TMCO6: variants seen among roughly 807,000 people sequenced by gnomAD.
TMCO6 encodes the protein transmembrane and coiled-coil domains 6.
TMCO6 carries 47 observed loss-of-function variants against 61.8 expected under a neutral mutation model. The observed-to-expected ratio is 0.76, with a 90% confidence interval of 0.60 to 0.97. The LOEUF (loss-of-function observed/expected upper bound fraction) is 0.97. TMCO6 is among the 50% of genes least tolerant of loss of function. The probability of loss-of-function intolerance (pLI) is 0.00; values close to 1 mark genes in which losing one functional copy is unlikely to be tolerated. For missense variants in TMCO6, 557 were observed against 601.6 expected, an observed-to-expected ratio of 0.93 and a Z score of 0.78; for synonymous variants, 261 against 254.2, an observed-to-expected ratio of 1.03 and a Z score of -0.25.
the TMCO6 span, among the ~76,000 whole-genome samples, chr5:140,608,366 C>T: frequency 1.3e-5 from 2 of 152,050 alleles, no homozygotes; most frequent in Middle Eastern, 3.2e-3. Context: ...TTTTTGTTGC[C>T]GAGTTGTAGG....
At chr5:140,600,220 A>T in the TMCO6 span, among the ~76,000 whole-genome samples, 2 of 152,206 alleles carry the variant, frequency 1.3e-5, no homozygotes, top group African/African-American at 4.8e-5. Context: ...AGAAATAAGT[A>T]ATTTCCCTGC....
chr5:140,637,151 T>C (rs186566353), upstream of TMCO6, among the ~76,000 whole-genome samples: 7 of 150,742 alleles, frequency 4.6e-5, no homozygotes, highest in East Asian at 1.2e-3. Context: ...CCCCCAAGAG[T>C]GGGAGTAGGG....
chr5:140,641,180 A>G (rs750568123), intron 2 of TMCO6: 3 of 155,520 alleles, frequency 1.9e-5, no homozygotes, highest in Non-Finnish European at 4.3e-5. Flanking sequence ...CCCAGAGGAA[A>G]TGAGGAGCAG....
At chr5:140,633,707 CA>C in the TMCO6 span, 4 of 152,184 alleles carry the variant, frequency 2.6e-5, no homozygotes, top group African/African-American at 9.7e-5. Context: ...GAATTAGGTT[CA>C]AGAAAAGGAA....
At chr5:140,647,721 T>G, downstream of TMCO6, 1 of 1,321,030 alleles carries the variant, frequency 7.6e-7, no homozygotes, top group Non-Finnish European at 1.1e-6. Flanking sequence ...TATAAAAGTA[T>G]TGTAGGACCG....
chr5:140,642,382 C>T lies in TMCO6; in HGVS notation c.566C>T (p.Pro189Leu). 1 of 1,613,814 alleles carries T rather than the reference C, an allele frequency of 6.2e-7. No homozygotes were observed. Among genetic ancestry groups the T allele is most frequent in the South Asian group, 1.1e-5 (1 of 90,978 alleles). The change falls in exon 5 of 12, where the codon CCA (proline) becomes CTA (leucine). Residue 189 changes from proline to leucine, a missense_variant. By Grantham distance (98) the Pro-to-Leu change is moderately conservative (BLOSUM62 -3). Coordinates refer to ENST00000394671, the MANE Select transcript of TMCO6 (RefSeq NM_018502.5). ...ESEAVRRQLLPQGIVPALAAC... is the reference protein window; with the variant it reads ...ESEAVRRQLLLQGIVPALAAC... ...GAGGCTGTGAGAAGGCAGCTCCTGC[C>T]ACAGGGCATTGTTCCAGCCTTGGCT...
At chr5:140,636,855 A>G (rs1452957843), upstream of TMCO6, among the ~76,000 whole-genome samples, 1 of 152,232 alleles carries the variant, frequency 6.6e-6, no homozygotes, top group Non-Finnish European at 1.5e-5. Flanking sequence ...TGCCTAAGTT[A>G]TATGGCTTTT....
At chr5:140,640,549 G>A (rs968640077) in intron 2 of TMCO6, among the ~76,000 whole-genome samples, 3 of 152,058 alleles carry the variant, frequency 2.0e-5, no homozygotes, top group South Asian at 2.1e-4. Flanking sequence ...GGGATTACAG[G>A]CGCGCGCCAC....
rs1224391539 is a variant in TMCO6, at chr5:140,641,664, G to GGTGCAGCA, written c.201_208dup (p.Phe70CysfsTer51). The GGTGCAGCA allele has an allele frequency of 7.4e-6, 12 of 1,613,144 alleles. No homozygotes were observed. Among genetic ancestry groups the GGTGCAGCA allele is most frequent in the Non-Finnish European group, 9.3e-6 (11 of 1,179,424 alleles). Reference sequence around the variant, plus strand: ...TCTCCTTTCCCTGCCCTGAACTCCAGGTGCAGCAGTTCCTGCGGCAAGCCC... The same window carrying GGTGCAGCA: ...TCTCCTTTCCCTGCCCTGAACTCCAGGTGCAGCAGTGCAGCAGTTCCTGCGGCAAGCCC... On this transcript the variant is annotated frameshift_variant and splice_region_variant. Coordinates refer to ENST00000394671, the MANE Select transcript of TMCO6 (RefSeq NM_018502.5). LOFTEE classifies it high-confidence loss of function.
At chr5:140,607,554 A>G in the TMCO6 span, among the ~76,000 whole-genome samples, 1 of 152,190 alleles carries the variant, frequency 6.6e-6, no homozygotes, top group South Asian at 2.1e-4. Flanking sequence ...TTGGGTATAT[A>G]ATGAGGAGTA....
chr5:140,601,813 A>G, the TMCO6 span, among the ~76,000 whole-genome samples: 1 of 152,362 alleles, frequency 6.6e-6, no homozygotes, highest in South Asian at 2.1e-4. Context: ...AGGAGATTCC[A>G]GTGGAGTCTA....
At chr5:140,597,220 G>A in the TMCO6 span, among the ~76,000 whole-genome samples, 1 of 152,158 alleles carries the variant, frequency 6.6e-6, no homozygotes, top group Admixed American at 6.5e-5. Context: ...AGTCAGTGTG[G>A]GGTAGGGATA....
chr5:140,623,788 C>A, the TMCO6 span, among the ~76,000 whole-genome samples: 5 of 151,994 alleles, frequency 3.3e-5, no homozygotes, highest in African/African-American at 1.2e-4. Context: ...AGTATGTTGC[C>A]CAGGCTAGTC....
the TMCO6 span, chr5:140,632,997 G>A: frequency 1.4e-5 from 23 of 1,614,002 alleles, no homozygotes; most frequent in African/African-American, 1.1e-4. The surrounding 1 kb of genome is among the most constrained non-coding windows in gnomAD (Gnocchi z 6.2). Flanking sequence ...AGAGAGCAGA[G>A]GTCTAGGAGG....
In TMCO6 at chr5:140,639,520, G is replaced by T; in HGVS notation, c.-8G>T. 1 of 1,549,666 alleles carries T rather than the reference G, an allele frequency of 6.5e-7. No homozygotes were observed. Among genetic ancestry groups the T allele is most frequent in the Non-Finnish European group, 8.7e-7 (1 of 1,146,618 alleles). ...TGTTTCCTTCGGCTTTCCTCCTCCT[G>T]CTCCACCATGTGGAGCCGACGGCAG... On this transcript the variant is annotated 5_prime_UTR_variant, in exon 1 of 12. Transcript: ENST00000394671.
intron 2 of TMCO6, chr5:140,640,987 A>G (rs933698159): frequency 6.5e-5 from 10 of 154,340 alleles, no homozygotes; most frequent in Non-Finnish European, 4.4e-5. Context: ...CCTAGGTCAT[A>G]CTATTCCATT....
At chr5:140,604,853 T>G in the TMCO6 span, among the ~76,000 whole-genome samples, 2 of 151,602 alleles carry the variant, frequency 1.3e-5, no homozygotes, top group Admixed American at 1.3e-4. Flanking sequence ...CTTTTTTCCA[T>G]TGAATAATCT....
the TMCO6 span, among the ~76,000 whole-genome samples, chr5:140,599,837 G>T: frequency 6.6e-6 from 1 of 152,128 alleles, no homozygotes; most frequent in Non-Finnish European, 1.5e-5. Flanking sequence ...GGAGGCGGAG[G>T]TTACAGTGAG....
intron 3 of TMCO6, 26 bp from the exon 4 acceptor site, chr5:140,641,844 C>T: frequency 1.2e-6 from 2 of 1,614,052 alleles, no homozygotes; most frequent in Non-Finnish European, 1.7e-6. Flanking sequence ...ACAAGCTAAG[C>T]AGGGCTCTGG....
Sources: allele counts gnomAD v4.1 joint callset (sites outside exome capture counted in the v4.1 genomes callset), GRCh38; gene constraint gnomAD v4.1.1; non-coding constraint Gnocchi (gnomAD v3.1); transcripts MANE v1.5; gene names NCBI Gene and HGNC (gene_info 2026-07-23, HGNC 2026-07-21).